ALDH1A1: variants seen among roughly 807,000 people sequenced by gnomAD.
The protein encoded by ALDH1A1 is aldehyde dehydrogenase 1A1.
In ALDH1A1, 19 loss-of-function variants were observed where a neutral mutation model predicts 62.1. The ratio of observed to expected loss-of-function variants is 0.31; its 90% CI spans 0.21 to 0.45. The LOEUF (loss-of-function observed/expected upper bound fraction) is 0.45, where lower values mean the gene tolerates loss of function less well. ALDH1A1 is among the 20% of genes least tolerant of loss of function. ALDH1A1 has a pLI of 1.00. For synonymous variants in ALDH1A1, 231 were observed against 215.9 expected (o/e 1.07, Z -0.61); for missense variants, 521 against 607.1 (o/e 0.86, Z 1.49).
intron 9 of ALDH1A1, among the ~76,000 whole-genome samples, chr9:72,914,247 A>T (rs868477204): frequency 2.4e-4 from 37 of 152,258 alleles, no homozygotes; most frequent in African/African-American, 8.7e-4. Flanking sequence ...TTCAGAAACC[A>T]TGTATCAACA....
chr9:72,936,038 C>G (rs1438428161), intron 2 of ALDH1A1, among the ~76,000 whole-genome samples: 2 of 152,148 alleles, frequency 1.3e-5, no homozygotes, highest in Non-Finnish European at 2.9e-5. Context: ...ACAGTTTATA[C>G]CATCAACATT....
At chr9:72,903,936 A>G (rs1457225375) in intron 12 of ALDH1A1, among the ~76,000 whole-genome samples, 1 of 152,090 alleles carries the variant, frequency 6.6e-6, no homozygotes, top group East Asian at 1.9e-4. Context: ...CAAAGTAATT[A>G]GTTTTGCCAA....
At chr9:72,903,062 T>A (rs558308833) in intron 12 of ALDH1A1, among the ~76,000 whole-genome samples, 54 of 152,066 alleles carry the variant, frequency 3.6e-4, no homozygotes, top group African/African-American at 1.2e-3. Context: ...AGAAGAACTG[T>A]TTGCTGAACA....
chr9:72,929,109 G>A, intron 3 of ALDH1A1, 88 bp from the exon 4 acceptor site: 2 of 1,415,650 alleles, frequency 1.4e-6, no homozygotes, highest in Non-Finnish European at 1.9e-6. Context: ...TCATGTGCTA[G>A]GGAATTTTTG....
chr9:72,952,248 C>T (rs1488663669), intron 1 of ALDH1A1, among the ~76,000 whole-genome samples: 1 of 151,910 alleles, frequency 6.6e-6, no homozygotes, highest in African/African-American at 2.4e-5. Flanking sequence ...CTCAGAACGA[C>T]TCAAGCAGGA....
At chr9:72,951,150 C>A (rs768930832) in intron 1 of ALDH1A1, among the ~76,000 whole-genome samples, 13 of 151,940 alleles carry the variant, frequency 8.6e-5, no homozygotes, top group Non-Finnish European at 1.5e-4. Context: ...AAAACGCCTG[C>A]TCTTTGAGTC....
chr9:72,906,242 A>T (rs1449321671), intron 11 of ALDH1A1, among the ~76,000 whole-genome samples: 1 of 152,168 alleles, frequency 6.6e-6, no homozygotes, highest in Non-Finnish European at 1.5e-5. Flanking sequence ...TAGTGCAACT[A>T]TATATATGGA....
At chr9:72,934,046 T>C (rs976438037) in intron 2 of ALDH1A1, among the ~76,000 whole-genome samples, 1 of 152,144 alleles carries the variant, frequency 6.6e-6, no homozygotes, top group Non-Finnish European at 1.5e-5. Flanking sequence ...TCCTCTCACC[T>C]TGACCTTCCG....
chr9:72,904,723 C>A (rs921900757), intron 12 of ALDH1A1, among the ~76,000 whole-genome samples: 3 of 152,082 alleles, frequency 2.0e-5, no homozygotes, highest in African/African-American at 7.2e-5. Flanking sequence ...TAGAGAGATG[C>A]CATCCTGACT....
intron 6 of ALDH1A1, 73 bp downstream of exon 6, chr9:72,925,411 A>G (rs2118532269): frequency 3.2e-6 from 5 of 1,541,866 alleles, no homozygotes; most frequent in Non-Finnish European, 4.4e-6. Flanking sequence ...TTATAGTAGC[A>G]ACAAATGAGG....
In ALDH1A1 at chr9:72,925,472, C is replaced by T. The variant is rs376533427; in HGVS notation, c.633+12G>A. 8.1e-5 allele frequency: 130 copies of T among 1,610,356 alleles called. No individual in the cohort carries two copies. The African/African-American group carries it at 9.2e-4, about 11-fold the overall frequency. On this transcript the variant is annotated intron_variant, in intron 6 of 12. Transcript: ENST00000297785. Reference sequence around the variant, plus strand: ...TGAGTTCTTGAGCATATTTTGATTTCGGGAGACTTACCTCTTTTATTAAAG... The same window carrying T: ...TGAGTTCTTGAGCATATTTTGATTTTGGGAGACTTACCTCTTTTATTAAAG...
Position 72,930,993 on chromosome 9 carries a change from G to T in ALDH1A1, c.198C>A (p.Ala66=). ...DKEDVDKAVK[A]ARQAFQIGSP... is the part of the protein sequence containing the mutation. The stretch of plus-strand genomic sequence containing the variant: ...ATCCAATCTGAAAAGCCTGTCTTGC[G>T]GCCTTCACTGCCTTGTCAACATCCT... Residue 66 remains alanine (A), a synonymous_variant, in exon 3 of 13, where the codon GCC becomes GCA. Transcript: ENST00000297785. The T allele has an allele frequency of 6.2e-7, 1 of 1,613,910 alleles. No individual in the cohort carries two copies. The highest frequency in any genetic ancestry group is 8.5e-7 in the Non-Finnish European group (1 of 1,179,928).
At chr9:72,919,491 G>T (rs1830109659) in intron 7 of ALDH1A1, among the ~76,000 whole-genome samples, 1 of 152,172 alleles carries the variant, frequency 6.6e-6, no homozygotes, top group Non-Finnish European at 1.5e-5. Context: ...GATGCTAGAA[G>T]AAATGACAGG....
chr9:72,924,428 G>A (rs568086874), intron 6 of ALDH1A1, among the ~76,000 whole-genome samples: 2 of 152,278 alleles, frequency 1.3e-5, no homozygotes, highest in East Asian at 3.9e-4. Context: ...CAAAAAGATT[G>A]TATGTAAAAA....
chr9:72,911,951 C>T lies in ALDH1A1; in HGVS notation c.1200+7G>A. 1.9e-6 allele frequency: 3 copies of T among 1,613,758 alleles called. No individual in the cohort carries two copies. Among genetic ancestry groups the T allele is most frequent in the Non-Finnish European group, 2.5e-6 (3 of 1,179,782 alleles). ...CAAAAAGAACAGAACAGAATGAAGC[C>T]ATTTACCTCCTCTTTGGCAATGCGC... On this transcript the variant is annotated splice_region_variant and intron_variant, in intron 10 of 12. Coordinates refer to ENST00000297785, the MANE Select transcript of ALDH1A1 (RefSeq NM_000689.5).
chr9:72,938,630 A>G (rs544881079), intron 2 of ALDH1A1, among the ~76,000 whole-genome samples: 1 of 152,184 alleles, frequency 6.6e-6, no homozygotes, highest in East Asian at 1.9e-4. Context: ...TATTTTCAGT[A>G]GAGACGAGGT....
At chr9:72,923,677 G>C (rs1436617054) in intron 7 of ALDH1A1, among the ~76,000 whole-genome samples, 1 of 152,038 alleles carries the variant, frequency 6.6e-6, no homozygotes, top group Non-Finnish European at 1.5e-5. Flanking sequence ...ATAACCTATA[G>C]GATAAAATCA....
intron 12 of ALDH1A1, 46 bp from the exon 13 acceptor site, chr9:72,901,326 G>T: frequency 7.7e-7 from 1 of 1,304,904 alleles, no homozygotes; most frequent in Non-Finnish European, 1.1e-6. Context: ...TAGCACAGCA[G>T]TATAAATATA....
At chr9:72,913,957 G>A (rs1189477965) in intron 9 of ALDH1A1, among the ~76,000 whole-genome samples, 5 of 152,196 alleles carry the variant, frequency 3.3e-5, no homozygotes, top group Non-Finnish European at 5.9e-5. Context: ...CACAAATACA[G>A]ACCTTCTTCA....
Sources: allele counts gnomAD v4.1 joint callset (sites outside exome capture counted in the v4.1 genomes callset), GRCh38; gene constraint gnomAD v4.1.1; transcripts MANE v1.5; gene names NCBI Gene and HGNC (gene_info 2026-07-23, HGNC 2026-07-21).